AJAP1: variants seen among roughly 807,000 people sequenced by gnomAD.
AJAP1 encodes the protein adherens junctions associated protein 1, also known as adherens junction-associated protein 1.
AJAP1 carries 5 observed loss-of-function variants against 35.0 expected under a neutral mutation model. That is an observed-to-expected ratio of 0.14 (90% CI 0.07 to 0.30). The LOEUF is 0.30. AJAP1 is among the 10% of genes least tolerant of loss of function. The pLI is 1.00. For missense variants in AJAP1, 586 were observed against 571.0 expected, an observed-to-expected ratio of 1.03 and a Z score of -0.27; for synonymous variants, 284 against 249.3, an observed-to-expected ratio of 1.14 and a Z score of -1.31.
chr1:4,700,406 A>C (rs1461457299), intron 1 of AJAP1, among the ~76,000 whole-genome samples: 1 of 152,106 alleles, frequency 6.6e-6, no homozygotes, highest in African/African-American at 2.4e-5. Flanking sequence ...CCTGGGCCTC[A>C]GCATTTTCTG....
rs1230600505 is a variant in AJAP1, at chr1:4,782,907, C to T, written c.*422C>T. 1 of 398,460 alleles carries T rather than the reference C, an allele frequency of 2.5e-6. No individual in the cohort carries two copies. Among genetic ancestry groups the T allele is most frequent in the Non-Finnish European group, 4.4e-6 (1 of 226,020 alleles). 24.7% of individuals were successfully genotyped at this position (398,460 alleles called of 1,614,324 possible). ...TACCATTATGTGCCATGTACTGACC[C>T]GAAAGGCTCGGCCGCAGAGCCGGGG... On this transcript the variant is annotated 3_prime_UTR_variant, in exon 6 of 6. Transcript: ENST00000378191. The surrounding 1 kb of genome is among the most constrained non-coding windows in gnomAD (Gnocchi z 5.3).
intron 2 of AJAP1, 37 bp downstream of exon 2, chr1:4,712,736 G>A: frequency 6.7e-7 from 1 of 1,494,408 alleles, no homozygotes; most frequent in Non-Finnish European, 8.9e-7. Context: ...GTTTGCTTGG[G>A]GTTGAGGGCT....
chr1:4,726,808 G>A (rs1040607410), intron 2 of AJAP1, among the ~76,000 whole-genome samples: 1 of 152,150 alleles, frequency 6.6e-6, no homozygotes, highest in African/African-American at 2.4e-5. Context: ...CGGCTGCTGA[G>A]CTCGGGCCTG....
chr1:4,657,101 C>A (rs1020299817), intron 1 of AJAP1, among the ~76,000 whole-genome samples: 4 of 152,038 alleles, frequency 2.6e-5, no homozygotes, highest in African/African-American at 9.7e-5. Context: ...TTTGAACAGA[C>A]ATTTTTTTTT....
chr1:4,731,687 C>T (rs1430710708), intron 2 of AJAP1, among the ~76,000 whole-genome samples: 1 of 152,244 alleles, frequency 6.6e-6, no homozygotes, highest in Non-Finnish European at 1.5e-5. Context: ...CATTCCAAAG[C>T]AGGCTGGTCC....
intron 1 of AJAP1, among the ~76,000 whole-genome samples, chr1:4,694,713 C>A (rs1380643041): frequency 6.6e-6 from 1 of 152,150 alleles, no homozygotes; most frequent in African/African-American, 2.4e-5. Context: ...GTGCTGGTGC[C>A]CCATGTGGCT....
intron 2 of AJAP1, among the ~76,000 whole-genome samples, chr1:4,735,170 C>T (rs1333611445): frequency 2.6e-5 from 4 of 152,364 alleles, no homozygotes; most frequent in African/African-American, 7.2e-5. Flanking sequence ...TGCCACAGCA[C>T]GCAAGGCATG....
rs1035151246 is a variant in AJAP1 at position 4,723,494 on chromosome 1, G to A, written c.829+10795G>A. ...GTGATAAGGAAGAGCCCACCGGGAG[G>A]AGGTGGCCAGGAGGCTGCAGGAGAA... On this transcript the variant is annotated intron_variant, in intron 2 of 5. Coordinates refer to ENST00000378191, the MANE Select transcript of AJAP1 (RefSeq NM_018836.4). The surrounding 1 kb of genome is among the most constrained non-coding windows in gnomAD (Gnocchi z 4.3). Among the ~76,000 whole-genome samples the A allele has an allele frequency of 4.6e-5, 7 of 152,170 alleles. No individual in the cohort carries two copies. Among genetic ancestry groups the A allele is most frequent in the Non-Finnish European group, 5.9e-5 (4 of 68,030 alleles).
chr1:4,679,040 A>G (rs1639419753), intron 1 of AJAP1, among the ~76,000 whole-genome samples: 1 of 152,178 alleles, frequency 6.6e-6, no homozygotes, highest in Non-Finnish European at 1.5e-5. Context: ...ACCTGCCCTT[A>G]ACTGCTTCAT....
intron 2 of AJAP1, among the ~76,000 whole-genome samples, chr1:4,745,231 G>A (rs1641162111): frequency 1.3e-5 from 2 of 152,278 alleles, no homozygotes; most frequent in African/African-American, 4.8e-5. Flanking sequence ...AGTCTAGGGC[G>A]ACAATTTCCT....
At chr1:4,671,417 CATG>C (rs1355619962) in intron 1 of AJAP1, among the ~76,000 whole-genome samples, 3 of 151,036 alleles carry the variant, frequency 2.0e-5, no homozygotes, top group African/African-American at 7.3e-5. Flanking sequence ...GGACATAGGA[CATG>C]ATGCTGTGGC....
intron 4 of AJAP1, among the ~76,000 whole-genome samples, chr1:4,772,736 A>G (rs1371780602): frequency 3.3e-5 from 5 of 152,224 alleles, no homozygotes; most frequent in Non-Finnish European, 5.9e-5. Context: ...CAGAGAATAC[A>G]GTGGCTGGAA....
rs900578072 is a variant in AJAP1, at chr1:4,784,717, A to G, written c.*2232A>G. ...TTCTTTAGTTTTTGTTCTGTCATTT[A>G]TTTTCCCCCCAAGCTTTGGCACATC... On this transcript the variant is annotated 3_prime_UTR_variant, in exon 6 of 6. Coordinates refer to ENST00000378191, the MANE Select transcript of AJAP1 (RefSeq NM_018836.4). 1 of 152,156 alleles carries G rather than the reference A, an allele frequency of 6.6e-6. No individual in the cohort carries two copies. The highest frequency in any genetic ancestry group is 2.4e-5 in the African/African-American group (1 of 41,434). 9.4% of individuals were successfully genotyped at this position (152,156 alleles called of 1,614,324 possible). A position where few individuals can be genotyped will look rare whatever the true frequency, so the allele number is the denominator to read the frequency against.
chr1:4,779,430 C>G (rs1365500702), intron 5 of AJAP1, among the ~76,000 whole-genome samples: 1 of 151,870 alleles, frequency 6.6e-6, no homozygotes, highest in Non-Finnish European at 1.5e-5. Context: ...CCGCCTCCAC[C>G]TTCACACGGG....
intron 1 of AJAP1, among the ~76,000 whole-genome samples, chr1:4,704,643 A>T (rs1466906649): frequency 2.6e-5 from 4 of 152,176 alleles, no homozygotes; most frequent in Non-Finnish European, 5.9e-5. Flanking sequence ...TTATAGCAGC[A>T]TGATTTATAG....
At position 4,655,552 on chromosome 1, in the gene AJAP1, C is replaced by T; in HGVS notation, c.29+98C>T. ...CTATGTTGCAAATCAAGGGACCCCT[C>T]TTCGCTTCCCGCAAGCGGGCAACGG... On this transcript the variant is annotated intron_variant, in intron 1 of 5. Coordinates refer to ENST00000378191, the MANE Select transcript of AJAP1 (RefSeq NM_018836.4). The surrounding 1 kb of genome is among the most constrained non-coding windows in gnomAD (Gnocchi z 6.9). The T allele has an allele frequency of 7.0e-7, 1 of 1,433,984 alleles. No homozygotes were observed. The highest frequency in any genetic ancestry group is 9.4e-7 in the Non-Finnish European group (1 of 1,060,938). 88.8% of individuals were successfully genotyped at this position (1,433,984 alleles called of 1,614,324 possible). A position where few individuals can be genotyped will look rare whatever the true frequency, so the allele number is the denominator to read the frequency against.
intron 1 of AJAP1, among the ~76,000 whole-genome samples, chr1:4,704,935 TTTGGCTGCATAGA>T (rs1306569688): frequency 6.6e-6 from 1 of 152,274 alleles, no homozygotes; most frequent in Non-Finnish European, 1.5e-5. Flanking sequence ...TCATGTGTTT[TTTGGCTGCATAGA>T]TGTCTTCTTT....
At chr1:4,721,352 T>C (rs1640511934) in intron 2 of AJAP1, among the ~76,000 whole-genome samples, 1 of 152,180 alleles carries the variant, frequency 6.6e-6, no homozygotes, top group Non-Finnish European at 1.5e-5. Context: ...GGGTTCTAGA[T>C]CCAGGTGGAA....
chr1:4,727,600 T>C (rs1640696543), intron 2 of AJAP1, among the ~76,000 whole-genome samples: 2 of 152,152 alleles, frequency 1.3e-5, no homozygotes, highest in African/African-American at 4.8e-5. Context: ...AGGACCTGGG[T>C]GCCCGGAAGA....
Sources: gnomAD v4.1 joint callset for allele counts (sites outside exome capture counted in the v4.1 genomes callset) on GRCh38, gnomAD v4.1.1 for gene constraint, Gnocchi (gnomAD v3.1) non-coding constraint, MANE v1.5 for transcripts, NCBI Gene and HGNC (gene_info 2026-07-23, HGNC 2026-07-21) for gene names.